The following DOCK7 variants were observed in gnomAD, a reference collection of about 807,000 sequenced individuals.
DOCK7 encodes dedicator of cytokinesis 7.
Under a neutral mutation model 271.0 loss-of-function variants are expected in DOCK7, and 138 were observed. The ratio of observed to expected loss-of-function variants is 0.51; its 90% CI spans 0.44 to 0.59. The LOEUF (loss-of-function observed/expected upper bound fraction) is 0.59. Ranked by LOEUF, DOCK7 falls within the 20% of genes least tolerant of loss-of-function variation. The pLI, the probability that DOCK7 is intolerant of heterozygous loss-of-function variation, is 0.00. For synonymous variants in DOCK7, 823 were observed against 876.1 expected, an observed-to-expected ratio of 0.94 and a Z score of 1.07; for missense variants, 2,066 against 2,592.4, an observed-to-expected ratio of 0.80 and a Z score of 4.41.
At chr1:62,472,715 C>A (rs552345531) in intron 48 of DOCK7, among the ~76,000 whole-genome samples, 183 of 152,268 alleles carry the variant, frequency 1.2e-3, no homozygotes, top group African/African-American at 4.3e-3. Context: ...TGCCAGAAAT[C>A]AGTCAATTCT....
chr1:62,529,479 G>T (rs199882117), intron 29 of DOCK7, 33 bp from the exon 30 acceptor site: 3 of 1,543,638 alleles, frequency 1.9e-6, no homozygotes, highest in East Asian at 4.6e-5. Context: ...AGAAGAAAAA[G>T]CAGTAAGGCC....
At chr1:62,683,645 A>T (rs887298947) in intron 1 of DOCK7, among the ~76,000 whole-genome samples, 1 of 152,212 alleles carries the variant, frequency 6.6e-6, no homozygotes, top group Non-Finnish European at 1.5e-5. Context: ...AATATAGTCA[A>T]ATAAAAAGAG....
chr1:62,655,400 T>A (rs905383047), intron 2 of DOCK7, among the ~76,000 whole-genome samples: 1 of 151,296 alleles, frequency 6.6e-6, no homozygotes, highest in Non-Finnish European at 1.5e-5. Context: ...CTATGCTTCT[T>A]TGGACTGAAC....
intron 14 of DOCK7, chr1:62,597,947 C>T: frequency 6.4e-7 from 1 of 1,551,236 alleles, no homozygotes; most frequent in African/African-American, 1.4e-5. Context: ...TTGAAAGCCT[C>T]CTAGAAGAAA....
At chr1:62,535,666 A>G (rs780088404) in intron 28 of DOCK7, 34 bp from the exon 29 acceptor site, 9 of 1,602,266 alleles carry the variant, frequency 5.6e-6, no homozygotes, top group African/African-American at 1.3e-5. Flanking sequence ...AGACTATAAC[A>G]GCAGTGCAAC....
At chr1:62,457,471 T>A (rs1342837346) in intron 49 of DOCK7, 67 bp downstream of exon 49, 2 of 1,474,042 alleles carry the variant, frequency 1.4e-6, no homozygotes, top group Middle Eastern at 1.8e-4. Flanking sequence ...GTAAAAAGAC[T>A]TCTACTAGTT....
At chr1:62,604,518 T>C (rs1338156745) in intron 14 of DOCK7, 2 of 1,103,922 alleles carry the variant, frequency 1.8e-6, no homozygotes, top group East Asian at 2.5e-5. Flanking sequence ...CTGGGATACA[T>C]GCATCTAAAA....
intron 8 of DOCK7, chr1:62,635,439 A>T (rs1655142422): frequency 6.6e-6 from 1 of 152,406 alleles, no homozygotes; most frequent in South Asian, 2.1e-4. Context: ...CGGGAGGCTG[A>T]GCCAGGGGAA....
At chr1:62,513,930 T>C (rs1407557210) in intron 31 of DOCK7, 32 bp from the exon 32 acceptor site, 1 of 1,570,648 alleles carries the variant, frequency 6.4e-7, no homozygotes, top group Non-Finnish European at 8.6e-7. Context: ...ATGAGACAGA[T>C]TGATCAAAGA....
At position 62,687,499 on chromosome 1, in the gene DOCK7, C is replaced by T. The variant is rs555750330; in HGVS notation, c.38+728G>A. On this transcript the variant is annotated intron_variant, in intron 1 of 49. Coordinates refer to ENST00000635253, the MANE Select transcript of DOCK7 (RefSeq NM_001367561.1). ...ATCTTCTCGGGTGCTCTGAGAAACA[C>T]AGGCGCACAGTTAAATTCACAGGCG... is the stretch of plus-strand genomic sequence containing the variant. 3 of 150,014 alleles carry T rather than the reference C, an allele frequency of 2.0e-5. No individual in the cohort carries two copies. The South Asian group carries it at 6.5e-4, about 32-fold the overall frequency. 9.3% of individuals were successfully genotyped at this position (150,014 alleles called of 1,614,324 possible).
intron 1 of DOCK7, among the ~76,000 whole-genome samples, chr1:62,666,634 T>C (rs1277433165): frequency 6.6e-6 from 1 of 152,182 alleles, no homozygotes; most frequent in Admixed American, 6.5e-5. Context: ...ATCCAAAGTA[T>C]GCAAGAAAGA....
chr1:62,633,503 T>C lies in DOCK7; in HGVS notation c.1111A>G (p.Thr371Ala), dbSNP rs746086295. The C allele has an allele frequency of 1.1e-4, 180 of 1,607,482 alleles. No homozygotes were observed. Among genetic ancestry groups the C allele is most frequent in the Non-Finnish European group, 1.5e-4 (172 of 1,174,582 alleles). The part of the protein sequence containing the change: ...PYMIFKEADA[T>A]KNKEKLEKLK... ...TGAGAAGCATAACATTCTACCTTGG[T>C]GGCATCTGCTTCTTTGAAAATCATA... The change falls in exon 10 of 50, where the codon ACC becomes GCC. Residue 371 changes from threonine (T) to alanine (A), a missense_variant. Transcript: ENST00000635253.
intron 46 of DOCK7, 50 bp downstream of exon 46, chr1:62,475,657 G>C: frequency 1.3e-6 from 2 of 1,503,440 alleles, no homozygotes; most frequent in African/African-American, 1.4e-5. Flanking sequence ...TTGTTACATG[G>C]CTTGAATGTA....
chr1:62,604,455 T>C (rs1650647564), intron 14 of DOCK7: 2 of 897,832 alleles, frequency 2.2e-6, no homozygotes, highest in South Asian at 1.8e-5. Context: ...TGGTAGTGTA[T>C]AGATTATTTA....
intron 14 of DOCK7, among the ~76,000 whole-genome samples, chr1:62,612,747 T>C (rs1259833533): frequency 6.6e-6 from 1 of 152,248 alleles, no homozygotes; most frequent in Non-Finnish European, 1.5e-5. Context: ...AAAATCCTTT[T>C]GTTTCTCACC....
chr1:62,491,028 T>C (rs1371279333), intron 41 of DOCK7, among the ~76,000 whole-genome samples: 1 of 152,208 alleles, frequency 6.6e-6, no homozygotes, highest in Non-Finnish European at 1.5e-5. Flanking sequence ...GCACTTTAAA[T>C]ACATGAACTT....
intron 29 of DOCK7, among the ~76,000 whole-genome samples, chr1:62,534,398 G>A (rs1422533980): frequency 1.3e-5 from 2 of 152,030 alleles, no homozygotes; most frequent in East Asian, 2.0e-4. Flanking sequence ...CTGATCACTC[G>A]AGGCCAGGAG....
In DOCK7 at chr1:62,475,730, C is replaced by A; in HGVS notation, c.5938G>T (p.Val1980Phe). 3 of 1,613,866 alleles carry A rather than the reference C, an allele frequency of 1.9e-6. No individual in the cohort carries two copies. The highest frequency in any genetic ancestry group is 2.5e-6 in the Non-Finnish European group (3 of 1,179,872). The change falls in exon 46 of 50, where the codon GTC (valine) becomes TTC (phenylalanine). Residue 1980 changes from valine (V) to phenylalanine (F), a missense_variant. Physicochemically the swap from Val to Phe is conservative, Grantham distance 50 (BLOSUM62 -1). Around this residue, in one of 2 missense-constraint regions of DOCK7, gnomAD observed 652 missense variants for 922.1 expected, o/e 0.71. Transcript: ENST00000635253. ...SHAFPYIKTR[V>F]NVTHKEEIIL... The stretch of plus-strand genomic sequence containing the variant: ...ACCTCTTCTTTATGAGTGACATTGA[C>A]CCTTGTTTTAATATAAGGAAAGGCA...
At position 62,653,900 on chromosome 1, in the gene DOCK7, T is replaced by C. The variant is rs558456004; in HGVS notation, c.320+84A>G. 9.8e-6 allele frequency: 15 copies of C among 1,525,852 alleles called. No individual in the cohort carries two copies. The South Asian group carries it at 1.3e-4, about 13-fold the overall frequency. 94.5% of individuals were successfully genotyped at this position (1,525,852 alleles called of 1,614,324 possible). A position where few individuals can be genotyped will look rare whatever the true frequency, so the allele number is the denominator to read the frequency against. Reference sequence around the variant, plus strand: ...TGCGTAACAGGAAATGATGATGCTATAAGAAGTAGGCTCTAAATAAAATAA... The same window carrying C: ...TGCGTAACAGGAAATGATGATGCTACAAGAAGTAGGCTCTAAATAAAATAA... On this transcript the variant is annotated intron_variant, in intron 3 of 49. Transcript: ENST00000635253.
Sources: allele counts gnomAD v4.1 joint callset (sites outside exome capture counted in the v4.1 genomes callset), GRCh38; gene constraint gnomAD v4.1.1; regional missense constraint gnomAD v4.1.1; transcripts MANE v1.5; gene names NCBI Gene and HGNC (gene_info 2026-07-23, HGNC 2026-07-21).